PTPRG: variants seen among roughly 807,000 people sequenced by gnomAD.
PTPRG encodes the protein protein tyrosine phosphatase receptor type G, also known as receptor-type tyrosine-protein phosphatase gamma.
In PTPRG, 102 loss-of-function variants were observed where a neutral mutation model predicts 165.3. That is an observed-to-expected ratio of 0.62 (90% CI 0.53 to 0.73). PTPRG has a LOEUF of 0.73. PTPRG is among the 30% of genes least tolerant of loss of function. PTPRG has a pLI of 0.00. For missense variants in PTPRG, 1,866 were observed against 1,861.4 expected (o/e 1.00, Z -0.05); for synonymous variants, 675 against 669.5 (o/e 1.01, Z -0.13).
rs71123255 is a variant in PTPRG at position 62,192,393 on chromosome 3, C to CTTTTTTTTTTTTTTTTTTT, written c.1218+755_1218+773dup. Among the ~76,000 whole-genome samples, 5 of 52,618 alleles carry CTTTTTTTTTTTTTTTTTTT rather than the reference C, an allele frequency of 9.5e-5. 2 individuals are homozygous for CTTTTTTTTTTTTTTTTTTT. The highest frequency in any genetic ancestry group is 6.6e-4 in the Admixed American group (2 of 3,036). 34.5% of individuals were successfully genotyped at this position (52,618 alleles called of 152,430 possible). ...ATAAAGCAAACTCCACAACTACTGT[C>CTTTTTTTTTTTTTTTTTTT]TTTTTTTTTTTTTTTTTTTTTTTTT... On this transcript the variant is annotated intron_variant, in intron 9 of 29. Transcript: ENST00000474889.
chr3:62,230,043 CATG>C lies in PTPRG; in HGVS notation c.2289-1178_2289-1176del, dbSNP rs1231609349. 3.3e-5 allele frequency among the ~76,000 whole-genome samples: 5 copies of C among 152,318 alleles called. No individual in the cohort carries two copies. The East Asian group carries it at 9.6e-4, about 29-fold the overall frequency. On this transcript the variant is annotated intron_variant, in intron 13 of 29. Coordinates refer to ENST00000474889, the MANE Select transcript of PTPRG (RefSeq NM_002841.4). ...TGTTCATAGCCACACTGAGTATATC[CATG>C]ATGTTTGTAGGACAGTTGTTGTAGT...
chr3:62,089,761 G>A (rs1701870033), intron 5 of PTPRG, among the ~76,000 whole-genome samples: 1 of 152,180 alleles, frequency 6.6e-6, no homozygotes, highest in African/African-American at 2.4e-5. Flanking sequence ...TAAGTTGTAT[G>A]ATTTTTTTGT....
intron 2 of PTPRG, among the ~76,000 whole-genome samples, chr3:61,818,009 A>G (rs1273268210): frequency 6.6e-6 from 1 of 152,100 alleles, no homozygotes; most frequent in African/African-American, 2.4e-5. Context: ...GGTCTGTGAA[A>G]GCAGAAGGTC....
chr3:61,919,064 A>G (rs905557636), intron 2 of PTPRG, among the ~76,000 whole-genome samples: 21 of 152,186 alleles, frequency 1.4e-4, no homozygotes, highest in African/African-American at 4.1e-4. Context: ...TGTGCCTAAA[A>G]TGTTCCCAAA....
At chr3:61,739,487 TCA>T (rs1256533239) in intron 1 of PTPRG, among the ~76,000 whole-genome samples, 2 of 152,216 alleles carry the variant, frequency 1.3e-5, no homozygotes, top group Non-Finnish European at 2.9e-5. Flanking sequence ...TCATATTAAC[TCA>T]CAGATATTTT....
chr3:61,917,835 G>A (rs1009078037), intron 2 of PTPRG, among the ~76,000 whole-genome samples: 3 of 152,168 alleles, frequency 2.0e-5, no homozygotes, highest in Non-Finnish European at 2.9e-5. Context: ...AGGAGGCTGC[G>A]GCAGAAGAAT....
chr3:62,016,491 G>A (rs1013451922), intron 4 of PTPRG, among the ~76,000 whole-genome samples: 2 of 152,110 alleles, frequency 1.3e-5, no homozygotes, highest in Non-Finnish European at 2.9e-5. Context: ...TATGAACTCA[G>A]TAGTCTTCTT....
At chr3:61,726,582 C>A (rs1242335742) in intron 1 of PTPRG, among the ~76,000 whole-genome samples, 1 of 152,218 alleles carries the variant, frequency 6.6e-6, no homozygotes, top group African/African-American at 2.4e-5. Flanking sequence ...CCATTAAACA[C>A]TGCTGATAGA....
intron 5 of PTPRG, among the ~76,000 whole-genome samples, chr3:62,080,061 C>CTTTTTTTTTTTTTTTTTTTTTTTTTTT (rs774262138): frequency 9.0e-6 from 1 of 111,568 alleles, no homozygotes; most frequent in African/African-American, 3.6e-5. Flanking sequence ...CCCTTCGGTT[C>CTTTTTTTTTTTTTTTTTTTTTTTTTTT]ATTTTTTTTT....
intron 1 of PTPRG, chr3:61,659,516 T>C (rs1009601820): frequency 1.1e-6 from 1 of 931,358 alleles, no homozygotes; most frequent in Non-Finnish European, 1.3e-6. Context: ...GATCCTGATT[T>C]TGAGTGTTCA....
intron 2 of PTPRG, among the ~76,000 whole-genome samples, chr3:61,791,320 A>G (rs2034859967): frequency 6.6e-6 from 1 of 152,228 alleles, no homozygotes; most frequent in Admixed American, 6.5e-5. Flanking sequence ...AGTCTGGGAA[A>G]TAAGTTTCTG....
intron 5 of PTPRG, among the ~76,000 whole-genome samples, chr3:62,131,290 C>A (rs1411399976): frequency 6.6e-6 from 1 of 152,182 alleles, no homozygotes; most frequent in African/African-American, 2.4e-5. Flanking sequence ...TCACATGTCC[C>A]TCTTGTAGGG....
chr3:61,597,213 A>G (rs953311348), intron 1 of PTPRG, among the ~76,000 whole-genome samples: 8 of 152,178 alleles, frequency 5.3e-5, no homozygotes, highest in Non-Finnish European at 1.0e-4. Flanking sequence ...GCTCCACCCA[A>G]CACTGCTGAA....
intron 2 of PTPRG, among the ~76,000 whole-genome samples, chr3:61,961,994 C>T (rs2040163209): frequency 6.6e-6 from 1 of 152,186 alleles, no homozygotes; most frequent in South Asian, 2.1e-4. Context: ...CAGCTCCCTA[C>T]ACTGAGTTAA....
At chr3:62,100,393 GC>G (rs1702248840) in intron 5 of PTPRG, among the ~76,000 whole-genome samples, 2 of 152,148 alleles carry the variant, frequency 1.3e-5, no homozygotes, top group South Asian at 4.2e-4. Context: ...ATAAGCAGGA[GC>G]CGTCTTTACC....
intron 1 of PTPRG, among the ~76,000 whole-genome samples, chr3:61,680,611 AAT>A (rs1310696153): frequency 2.6e-5 from 4 of 151,234 alleles, no homozygotes; most frequent in Non-Finnish European, 5.9e-5. Flanking sequence ...CAAAAAAAAA[AAT>A]CATACAAAAA....
At chr3:61,674,873 T>C (rs1009391631) in intron 1 of PTPRG, among the ~76,000 whole-genome samples, 1 of 152,158 alleles carries the variant, frequency 6.6e-6, no homozygotes, top group Non-Finnish European at 1.5e-5. Context: ...ACAATTATAT[T>C]CAAGAAATTT....
chr3:61,702,504 A>C (rs1004946745), intron 1 of PTPRG, among the ~76,000 whole-genome samples: 50 of 152,392 alleles, frequency 3.3e-4, no homozygotes, highest in Non-Finnish European at 6.6e-4. Flanking sequence ...ATTTAGTTTG[A>C]GTTAAAACGT....
intron 4 of PTPRG, among the ~76,000 whole-genome samples, chr3:62,060,586 A>C (rs1322352078): frequency 6.6e-6 from 1 of 152,154 alleles, no homozygotes; most frequent in Non-Finnish European, 1.5e-5. Context: ...GTATTTAGTA[A>C]AGTTTGAAAA....
Sources: gnomAD v4.1 joint callset for allele counts (sites outside exome capture counted in the v4.1 genomes callset) on GRCh38, gnomAD v4.1.1 for gene constraint, MANE v1.5 for transcripts, NCBI Gene and HGNC (gene_info 2026-07-23, HGNC 2026-07-21) for gene names.